AOAH: variants seen among roughly 807,000 people sequenced by gnomAD.
The protein encoded by AOAH is acyloxyacyl hydrolase.
AOAH carries 64 observed loss-of-function variants against 92.2 expected under a neutral mutation model. The observed-to-expected ratio is 0.69, with a 90% CI of 0.57 to 0.86. The LOEUF is 0.86. Among genes scored for constraint, AOAH ranks in the 40% least tolerant of loss-of-function variants. AOAH has a pLI of 0.00. For synonymous variants in AOAH, 263 were observed against 254.5 expected, an observed-to-expected ratio of 1.03 and a Z score of -0.32; for missense variants, 656 against 694.6, an observed-to-expected ratio of 0.94 and a Z score of 0.62.
intron 2 of AOAH, among the ~76,000 whole-genome samples, chr7:36,677,718 T>G (rs1377435265): frequency 2.0e-5 from 3 of 152,212 alleles, no homozygotes; most frequent in African/African-American, 7.2e-5. Flanking sequence ...ACCTATCAGC[T>G]AATAGATCAA....
In AOAH at chr7:36,522,118, G is replaced by T. The variant is rs749277963; in HGVS notation, c.1523-3C>A. On this transcript the variant is annotated splice_region_variant and splice_polypyrimidine_tract_variant and intron_variant, in intron 19 of 20. Coordinates refer to ENST00000617537, the MANE Select transcript of AOAH (RefSeq NM_001637.4). ...TCTCTTCTGCCACTCCTGTATGACT[G>T]CAGGGCACATAACGAGAGGGTTACA... 2 of 1,613,836 alleles carry T rather than the reference G, an allele frequency of 1.2e-6. No individual in the cohort carries two copies. Among genetic ancestry groups the T allele is most frequent in the Middle Eastern group, 1.6e-4 (1 of 6,062 alleles).
intron 16 of AOAH, among the ~76,000 whole-genome samples, chr7:36,533,130 C>T (rs562458969): frequency 9.1e-4 from 138 of 152,228 alleles, no homozygotes; most frequent in African/African-American, 3.2e-3. Flanking sequence ...GGGGTGATTT[C>T]TTCTCTCTTC....
chr7:36,592,897 G>GA (rs1201030306), intron 12 of AOAH, among the ~76,000 whole-genome samples: 1 of 152,146 alleles, frequency 6.6e-6, no homozygotes, highest in East Asian at 1.9e-4. Flanking sequence ...GATTAAGTTT[G>GA]AAAAGGTATA....
intron 4 of AOAH, among the ~76,000 whole-genome samples, chr7:36,642,070 T>C (rs1255064506): frequency 1.3e-5 from 2 of 152,124 alleles, no homozygotes; most frequent in East Asian, 3.9e-4. Flanking sequence ...CTCACCTAAA[T>C]TCATATCTGA....
chr7:36,672,160 C>A (rs548885369), intron 3 of AOAH, among the ~76,000 whole-genome samples: 2 of 152,098 alleles, frequency 1.3e-5, no homozygotes, highest in Non-Finnish European at 1.5e-5. Context: ...CACAACAGAG[C>A]GAGATCGCTA....
chr7:36,639,742 G>C (rs762853028), intron 4 of AOAH, among the ~76,000 whole-genome samples: 1 of 152,184 alleles, frequency 6.6e-6, no homozygotes, highest in South Asian at 2.1e-4. Flanking sequence ...GATGTGCTCC[G>C]TGCACTGATA....
chr7:36,522,609 T>C (rs1784161908), intron 19 of AOAH, among the ~76,000 whole-genome samples: 1 of 152,160 alleles, frequency 6.6e-6, no homozygotes, highest in African/African-American at 2.4e-5. Flanking sequence ...GGAGGGAGTA[T>C]GGCTGCAGAA....
intron 13 of AOAH, among the ~76,000 whole-genome samples, chr7:36,549,823 A>C (rs1786071854): frequency 6.6e-6 from 1 of 152,194 alleles, no homozygotes; most frequent in Non-Finnish European, 1.5e-5. Flanking sequence ...ACTACCGAAA[A>C]TATTCAAGAA....
intron 13 of AOAH, among the ~76,000 whole-genome samples, chr7:36,568,667 C>T (rs149739536): frequency 3.9e-4 from 59 of 152,318 alleles, no homozygotes; most frequent in African/African-American, 1.3e-3. Context: ...TGATTCTGCT[C>T]CAGGGCCTCC....
At position 36,548,681 on chromosome 7, in the gene AOAH, G is replaced by A; in HGVS notation, c.1064C>T (p.Ser355Phe). 6.2e-7 allele frequency: 1 copy of A among 1,613,072 alleles called. No individual in the cohort carries two copies. The highest frequency in any genetic ancestry group is 1.1e-5 in the South Asian group (1 of 91,062). The change falls in exon 15 of 21, where the codon TCT (serine) becomes TTT (phenylalanine). Residue 355 changes from serine to phenylalanine, a missense_variant. Physicochemically the swap from Ser to Phe is radical, Grantham distance 155. Coordinates refer to ENST00000617537, the MANE Select transcript of AOAH (RefSeq NM_001637.4). ...RNLKKFIESLSRNKVLDYPAI... is the reference protein window; with the variant it reads ...RNLKKFIESLFRNKVLDYPAI... ...GGGATAGTCCAACACCTTGTTTCTA[G>A]ACAAGCTGAGAAGGCATAGATGGAA...
chr7:36,610,883 A>G (rs896020214), intron 11 of AOAH, among the ~76,000 whole-genome samples: 2 of 152,186 alleles, frequency 1.3e-5, no homozygotes, highest in African/African-American at 4.8e-5. Flanking sequence ...TGAGAGACAC[A>G]TGGCACACAC....
intron 13 of AOAH, among the ~76,000 whole-genome samples, chr7:36,554,360 A>T (rs1352978337): frequency 1.3e-5 from 2 of 152,220 alleles, no homozygotes; most frequent in African/African-American, 4.8e-5. Flanking sequence ...TTTTGGTACC[A>T]GTACCATGCT....
Position 36,548,532 on chromosome 7 carries a change from T to C in AOAH, c.1133+80A>G. 4 of 1,179,750 alleles carry C rather than the reference T, an allele frequency of 3.4e-6. No homozygotes were observed. The East Asian group carries it at 7.3e-5, about 21-fold the overall frequency. 73.1% of individuals were successfully genotyped at this position (1,179,750 alleles called of 1,614,324 possible). A position where few individuals can be genotyped will look rare whatever the true frequency, so the allele number is the denominator to read the frequency against. On this transcript the variant is annotated intron_variant, in intron 15 of 20. Transcript: ENST00000617537. ...TCAGCTGAACAGCAGGCTGCTATAATGGAGTGGAGTTGGTGAGGAGAGGGT... is the reference window on the plus strand; with the variant it reads ...TCAGCTGAACAGCAGGCTGCTATAACGGAGTGGAGTTGGTGAGGAGAGGGT...
chr7:36,623,367 C>T lies in AOAH; in HGVS notation c.522-117G>A, dbSNP rs1005755830. 5.9e-6 allele frequency: 5 copies of T among 846,536 alleles called. No individual in the cohort carries two copies. In the African/African-American group the frequency reaches 8.6e-5, roughly 15 times the overall value. 52.4% of individuals were successfully genotyped at this position (846,536 alleles called of 1,614,324 possible). On this transcript the variant is annotated intron_variant, in intron 6 of 20. Transcript: ENST00000617537. Reference sequence around the variant, plus strand: ...CTGTTGAGTTTATGCCACAGAGGGCCATTCTAAACAGAAAATTAAGATCCT... The same window carrying T: ...CTGTTGAGTTTATGCCACAGAGGGCTATTCTAAACAGAAAATTAAGATCCT...
intron 13 of AOAH, among the ~76,000 whole-genome samples, chr7:36,560,417 C>T (rs1418288833): frequency 2.6e-5 from 4 of 152,032 alleles, no homozygotes; most frequent in East Asian, 1.9e-4. Flanking sequence ...CTTCCAGCAA[C>T]GTTTTTTAGT....
chr7:36,540,166 G>GAT (rs1785323579), intron 16 of AOAH, 153 bp downstream of exon 16: 1 of 633,528 alleles, frequency 1.6e-6, no homozygotes, highest in African/African-American at 1.9e-5. Context: ...ATGACCTTTA[G>GAT]ATACTGCACC....
At chr7:36,569,509 CT>C (rs1787956418) in intron 13 of AOAH, among the ~76,000 whole-genome samples, 2 of 151,496 alleles carry the variant, frequency 1.3e-5, no homozygotes, top group African/African-American at 4.9e-5. Context: ...ATCTATCTAT[CT>C]ATCTGTCTAT....
intron 1 of AOAH, among the ~76,000 whole-genome samples, chr7:36,709,761 A>G (rs1311074424): frequency 6.6e-6 from 1 of 152,180 alleles, no homozygotes; most frequent in African/African-American, 2.4e-5. Flanking sequence ...TTATATGCAA[A>G]AAGGTATGAC....
chr7:36,514,921 A>G (rs1790250552), intron 20 of AOAH, among the ~76,000 whole-genome samples: 1 of 151,878 alleles, frequency 6.6e-6, no homozygotes, highest in South Asian at 2.1e-4. Flanking sequence ...GTTAGAGAAA[A>G]CTAGGACTGA....
Sources: allele counts gnomAD v4.1 joint callset (sites outside exome capture counted in the v4.1 genomes callset), GRCh38; gene constraint gnomAD v4.1.1; transcripts MANE v1.5; gene names NCBI Gene and HGNC (gene_info 2026-07-23, HGNC 2026-07-21).